The following MAF variants were observed in gnomAD, a reference collection of about 807,000 sequenced individuals.
The protein encoded by MAF is transcription factor Maf.
A neutral mutation model predicts 22.0 loss-of-function variants in MAF; 10 were observed. The ratio of observed to expected loss-of-function variants is 0.45; its 90% confidence interval spans 0.28 to 0.77. The LOEUF is 0.77. MAF is among the 30% of genes least tolerant of loss of function. The pLI is 0.12. For synonymous variants in MAF, 337 were observed against 255.8 expected, an observed-to-expected ratio of 1.32 and a Z score of -3.03; for missense variants, 544 against 548.4, an observed-to-expected ratio of 0.99 and a Z score of 0.08.
the MAF span, among the ~76,000 whole-genome samples, chr16:79,307,521 A>T: frequency 3.3e-5 from 5 of 152,244 alleles, no homozygotes; most frequent in Non-Finnish European, 7.3e-5. Flanking sequence ...AATACCCCAC[A>T]CACATCCAAT....
chr16:79,295,410 G>C, the MAF span, among the ~76,000 whole-genome samples: 1 of 152,198 alleles, frequency 6.6e-6, no homozygotes, highest in Non-Finnish European at 1.5e-5. Context: ...GCAGAAAATG[G>C]AAGTGAGGTA....
At chr16:79,441,897 T>C in the MAF span, among the ~76,000 whole-genome samples, 1 of 152,132 alleles carries the variant, frequency 6.6e-6, no homozygotes, top group Admixed American at 6.5e-5. Flanking sequence ...TTAAATCCGA[T>C]GACGAGGATC....
chr16:79,249,741 G>A, the MAF span, among the ~76,000 whole-genome samples: 2 of 151,770 alleles, frequency 1.3e-5, no homozygotes, highest in African/African-American at 2.4e-5. Flanking sequence ...GCTGTTCCCC[G>A]CTCCCTCCCT....
the MAF span, among the ~76,000 whole-genome samples, chr16:79,545,563 T>C: frequency 6.6e-6 from 1 of 152,016 alleles, no homozygotes; most frequent in East Asian, 1.9e-4. Flanking sequence ...ATCGTGGACA[T>C]TACAAAATTT....
the MAF span, among the ~76,000 whole-genome samples, chr16:79,501,958 G>T: frequency 6.6e-6 from 1 of 152,138 alleles, no homozygotes; most frequent in African/African-American, 2.4e-5. Flanking sequence ...TTGGACTTCT[G>T]AGAAGTGGCT....
chr16:79,406,443 T>C, the MAF span, among the ~76,000 whole-genome samples: 1 of 152,192 alleles, frequency 6.6e-6, no homozygotes, highest in East Asian at 1.9e-4. Context: ...GCAGATTTAG[T>C]GTCTGGTGAC....
chr16:79,255,131 G>A, the MAF span, among the ~76,000 whole-genome samples: 1 of 152,172 alleles, frequency 6.6e-6, no homozygotes, highest in South Asian at 2.1e-4. Flanking sequence ...CTGGCTTCTT[G>A]TATCCAATCC....
At chr16:79,446,583 G>T in the MAF span, among the ~76,000 whole-genome samples, 4 of 152,110 alleles carry the variant, frequency 2.6e-5, no homozygotes, top group Admixed American at 2.0e-4. Flanking sequence ...GGGCTAAAGG[G>T]ATTGAAGGCA....
chr16:79,527,607 T>C, the MAF span, among the ~76,000 whole-genome samples: 1 of 152,122 alleles, frequency 6.6e-6, no homozygotes, highest in African/African-American at 2.4e-5. Flanking sequence ...TCCCATCACC[T>C]TACAATCATT....
chr16:79,599,252 G>A lies in MAF; in HGVS notation c.651C>T (p.Gly217=), dbSNP rs1396736138. 1.0e-6 allele frequency: 1 copy of A among 978,268 alleles called. No homozygotes were observed. The highest frequency in any genetic ancestry group is 1.2e-6 in the Non-Finnish European group (1 of 827,260). The allele number at this position is 978,268 out of a possible 1,614,324, so 60.6% of individuals were successfully genotyped here. A position where few individuals can be genotyped will look rare whatever the true frequency, so the allele number is the denominator to read the frequency against. Residue 217 remains glycine, a synonymous_variant, in exon 1 of 2, where the codon GGC becomes GGT. Transcript: ENST00000326043. ...AASAGGAGGA[G]GGGPASAGGG... is the part of the protein sequence containing the mutation. The stretch of plus-strand genomic sequence containing the variant: ...CCCCAGCGCTGGCCGGGCCACCGCC[G>A]CCCGCGCCCCCAGCGCCACCGGCCG...
chr16:79,442,061 G>A, the MAF span, among the ~76,000 whole-genome samples: 1 of 152,154 alleles, frequency 6.6e-6, no homozygotes, highest in African/African-American at 2.4e-5. Context: ...GAATGGGATG[G>A]GCTATCCCTC....
chr16:79,234,897 C>T, the MAF span, among the ~76,000 whole-genome samples: 5 of 151,954 alleles, frequency 3.3e-5, no homozygotes. Context: ...CTTGACCTGC[C>T]CTCGCGTTGC....
chr16:79,511,860 T>C, the MAF span, among the ~76,000 whole-genome samples: 1 of 152,208 alleles, frequency 6.6e-6, no homozygotes, highest in Non-Finnish European at 1.5e-5. Flanking sequence ...CTCATGGTAA[T>C]AAATTCTACA....
the MAF span, among the ~76,000 whole-genome samples, chr16:79,540,807 G>C: frequency 1.4e-4 from 21 of 152,288 alleles, no homozygotes; most frequent in Non-Finnish European, 2.6e-4. Context: ...AGCTATCTTA[G>C]GGTTATTTGG....
chr16:79,472,391 G>A, the MAF span, among the ~76,000 whole-genome samples: 2 of 152,086 alleles, frequency 1.3e-5, no homozygotes, highest in Non-Finnish European at 2.9e-5. Context: ...AACTACTAAA[G>A]GGATACCCAA....
the MAF span, among the ~76,000 whole-genome samples, chr16:79,299,917 T>G: frequency 6.6e-6 from 1 of 152,218 alleles, no homozygotes. Context: ...TTCGAACTCT[T>G]GGCAAACAGG....
chr16:79,397,424 T>G, the MAF span, among the ~76,000 whole-genome samples: 1 of 152,234 alleles, frequency 6.6e-6, no homozygotes, highest in Non-Finnish European at 1.5e-5. Context: ...CGTGTGATAT[T>G]TGAATATTTC....
the MAF span, among the ~76,000 whole-genome samples, chr16:79,446,134 T>G: frequency 6.6e-6 from 1 of 152,050 alleles, no homozygotes; most frequent in African/African-American, 2.4e-5. Context: ...GGAAAGGAGC[T>G]GTTATTTTAT....
chr16:79,239,259 G>C, the MAF span, among the ~76,000 whole-genome samples: 1 of 152,066 alleles, frequency 6.6e-6, no homozygotes, highest in Non-Finnish European at 1.5e-5. Context: ...CCTAGTTTGT[G>C]CGCAGTGATT....
Sources: allele counts gnomAD v4.1 joint callset (sites outside exome capture counted in the v4.1 genomes callset), GRCh38; gene constraint gnomAD v4.1.1; transcripts MANE v1.5; gene names NCBI Gene and HGNC (gene_info 2026-07-23, HGNC 2026-07-21).